Variants in TSHZ2 observed in about 807,000 individuals in gnomAD.
TSHZ2 encodes the protein teashirt homolog 2.
In TSHZ2, 21 loss-of-function variants were observed where a neutral mutation model predicts 74.4. That is an observed-to-expected ratio of 0.28 (90% CI 0.20 to 0.41). The LOEUF (loss-of-function observed/expected upper bound fraction) is 0.41, where lower values mean the gene tolerates loss of function less well. Ranked by LOEUF, TSHZ2 falls within the 10% of genes least tolerant of loss-of-function variation. The probability of loss-of-function intolerance (pLI) is 1.00; values close to 1 mark genes in which losing one functional copy is unlikely to be tolerated. For missense variants in TSHZ2, 1,244 were observed against 1,293.5 expected (o/e 0.96, Z 0.59); for synonymous variants, 540 against 515.3 (o/e 1.05, Z -0.65).
Position 53,489,984 on chromosome 20 carries a change from ATAAG to A in TSHZ2, c.*2854_*2857del, listed in dbSNP as rs1470728911. On this transcript the variant is annotated 3_prime_UTR_variant, in exon 3 of 3. Transcript: ENST00000371497. Reference sequence around the variant, plus strand: ...TTTTGCTGAATAAAACACAGTTCTGATAAGTAAGAACTTTAGAATTGGAAAGGAG... The same window carrying A: ...TTTTGCTGAATAAAACACAGTTCTGATAAGAACTTTAGAATTGGAAAGGAG... 2.6e-5 allele frequency: 4 copies of A among 152,232 alleles called. No homozygotes were observed. The highest frequency in any genetic ancestry group is 7.2e-5 in the African/African-American group (3 of 41,460). 9.4% of individuals were successfully genotyped at this position (152,232 alleles called of 1,614,324 possible). A position where few individuals can be genotyped will look rare whatever the true frequency, so the allele number is the denominator to read the frequency against.
At chr20:53,137,606 A>G (rs1222061602) in intron 1 of TSHZ2, among the ~76,000 whole-genome samples, 1 of 152,054 alleles carries the variant, frequency 6.6e-6, no homozygotes, top group East Asian at 1.9e-4. Flanking sequence ...GTGGCCCTCA[A>G]ATGAGTCCCT....
rs201432402 is a variant in TSHZ2 at position 53,027,112 on chromosome 20, AC to A, written c.40+53780del. Among the ~76,000 whole-genome samples, 276 of 71,326 alleles carry A rather than the reference AC, an allele frequency of 3.9e-3. 3 individuals carry two copies. The highest frequency in any genetic ancestry group is 0.026 in the African/African-American group (258 of 10,106). The allele number at this position is 71,326 out of a possible 152,430, so 46.8% of individuals were successfully genotyped here. ...TTTGCTATCACAGCCATATTCTAAT[AC>A]AAAAAAAAAATTGCAGCTGAATATT... is the stretch of plus-strand genomic sequence containing the variant. On this transcript the variant is annotated intron_variant, in intron 1 of 2. Coordinates refer to ENST00000371497, the MANE Select transcript of TSHZ2 (RefSeq NM_173485.6).
At chr20:53,474,783 C>T (rs1481531298) in intron 2 of TSHZ2, among the ~76,000 whole-genome samples, 2 of 133,444 alleles carry the variant, frequency 1.5e-5, no homozygotes, top group African/African-American at 6.0e-5. Context: ...CAGAGACACA[C>T]ATAGGCTCAA....
intron 1 of TSHZ2, among the ~76,000 whole-genome samples, chr20:53,145,285 G>A (rs894152910): frequency 2.0e-5 from 3 of 152,158 alleles, no homozygotes; most frequent in Admixed American, 2.0e-4. Context: ...GAGGACCAGG[G>A]CCTGATAGAA....
At chr20:53,457,705 T>C (rs1284962833) in intron 2 of TSHZ2, among the ~76,000 whole-genome samples, 3 of 148,648 alleles carry the variant, frequency 2.0e-5, no homozygotes, top group East Asian at 2.0e-4. Context: ...TTGTCATAGA[T>C]AGCTCTTATT....
At chr20:53,234,938 T>C (rs906642201) in intron 1 of TSHZ2, among the ~76,000 whole-genome samples, 1 of 151,610 alleles carries the variant, frequency 6.6e-6, no homozygotes, top group African/African-American at 2.4e-5. Flanking sequence ...CTGCTAGGAG[T>C]GTTAAGCATT....
intron 2 of TSHZ2, among the ~76,000 whole-genome samples, chr20:53,384,294 C>T (rs1019004633): frequency 6.6e-6 from 1 of 152,130 alleles, no homozygotes; most frequent in Non-Finnish European, 1.5e-5. Context: ...TTACTGAAGG[C>T]GAGGGATTTG....
intron 1 of TSHZ2, among the ~76,000 whole-genome samples, chr20:53,229,356 C>T (rs184205809): frequency 6.6e-6 from 1 of 152,148 alleles, no homozygotes; most frequent in Admixed American, 6.5e-5. Context: ...AGCAATGCCA[C>T]CTTGCCATTG....
chr20:53,070,666 ATG>A (rs1028746941), intron 1 of TSHZ2, among the ~76,000 whole-genome samples: 1 of 152,106 alleles, frequency 6.6e-6, no homozygotes, highest in Non-Finnish European at 1.5e-5. Context: ...ATGTGTGTGT[ATG>A]TGTGTGTGTA....
chr20:53,475,678 T>A lies in TSHZ2; in HGVS notation c.*9-11466T>A, dbSNP rs988722038. Among the ~76,000 whole-genome samples, 203 of 136,040 alleles carry A rather than the reference T, an allele frequency of 1.5e-3. 28 individuals are homozygous for A. Among genetic ancestry groups the A allele is most frequent in the Middle Eastern group, 7.2e-3 (2 of 276 alleles). 89.2% of individuals were successfully genotyped at this position (136,040 alleles called of 152,430 possible). On this transcript the variant is annotated intron_variant, in intron 2 of 2. Coordinates refer to ENST00000371497, the MANE Select transcript of TSHZ2 (RefSeq NM_173485.6). Reference sequence around the variant, plus strand: ...AAAATCAGAGCAGAACTGAAGGAAATAGAGACACAAAAAACCCTTCAAAAA... The same window carrying A: ...AAAATCAGAGCAGAACTGAAGGAAAAAGAGACACAAAAAACCCTTCAAAAA...
intron 2 of TSHZ2, among the ~76,000 whole-genome samples, chr20:53,405,840 A>T (rs1351962897): frequency 6.6e-6 from 1 of 152,004 alleles, no homozygotes; most frequent in African/African-American, 2.4e-5. Context: ...TATCAAAGAT[A>T]CAGAAAATTA....
chr20:53,140,760 A>C (rs1202907152), intron 1 of TSHZ2, among the ~76,000 whole-genome samples: 2 of 151,934 alleles, frequency 1.3e-5, no homozygotes, highest in Non-Finnish European at 2.9e-5. Context: ...GGCTTCCCAG[A>C]CCTTCTGCCG....
chr20:53,190,915 G>C (rs1052718228), intron 1 of TSHZ2, among the ~76,000 whole-genome samples: 1 of 152,056 alleles, frequency 6.6e-6, no homozygotes, highest in African/African-American at 2.4e-5. Context: ...GGGGTCCCAG[G>C]GTACATTTTT....
At chr20:53,332,777 G>A (rs140873237) in intron 2 of TSHZ2, among the ~76,000 whole-genome samples, 20 of 152,250 alleles carry the variant, frequency 1.3e-4, no homozygotes, top group Middle Eastern at 3.4e-3. Flanking sequence ...ATGAGAAGGC[G>A]CAGAGACCTG....
intron 1 of TSHZ2, among the ~76,000 whole-genome samples, chr20:53,125,830 C>T (rs1302311090): frequency 6.6e-6 from 1 of 152,070 alleles, no homozygotes. Flanking sequence ...ATAATTACAA[C>T]AATTTTGAAA....
At chr20:53,370,886 ACAG>A (rs1400824734) in intron 2 of TSHZ2, among the ~76,000 whole-genome samples, 1 of 152,236 alleles carries the variant, frequency 6.6e-6, no homozygotes, top group Non-Finnish European at 1.5e-5. Context: ...GTGGCTTAAA[ACAG>A]CAGAAATTAA....
intron 1 of TSHZ2, among the ~76,000 whole-genome samples, chr20:53,043,794 C>A (rs748898848): frequency 6.6e-6 from 1 of 151,544 alleles, no homozygotes; most frequent in Non-Finnish European, 1.5e-5. Context: ...AAAAAAAAAA[C>A]TGATACCTGG....
chr20:53,111,796 C>A (rs1986540823), intron 1 of TSHZ2, among the ~76,000 whole-genome samples: 1 of 152,180 alleles, frequency 6.6e-6, no homozygotes, highest in African/African-American at 2.4e-5. Flanking sequence ...GTCAGTGTTT[C>A]CTTCCCTCAG....
At chr20:53,237,431 GC>G (rs1315292760) in intron 1 of TSHZ2, among the ~76,000 whole-genome samples, 1 of 152,042 alleles carries the variant, frequency 6.6e-6, no homozygotes, top group Non-Finnish European at 1.5e-5. Context: ...ACTGGTTCAA[GC>G]CCAGTTTATT....
Sources: allele counts gnomAD v4.1 joint callset (sites outside exome capture counted in the v4.1 genomes callset), GRCh38; gene constraint gnomAD v4.1.1; transcripts MANE v1.5; gene names NCBI Gene and HGNC (gene_info 2026-07-23, HGNC 2026-07-21).